SEC14L6: variants seen among roughly 807,000 people sequenced by gnomAD.
SEC14L6 encodes the protein SEC14 like lipid binding 6, also known as SEC14-like protein 6.
A neutral mutation model predicts 54.1 loss-of-function variants in SEC14L6; 40 were observed. That is an observed-to-expected ratio of 0.74 (90% CI 0.57 to 0.96). The LOEUF (loss-of-function observed/expected upper bound fraction) is 0.96, where lower values mean the gene tolerates loss of function less well. Ranked by LOEUF, SEC14L6 falls within the 40% of genes least tolerant of loss-of-function variation. SEC14L6 has a pLI of 0.00. For missense variants in SEC14L6, 471 were observed against 498.3 expected (o/e 0.95, Z 0.52); for synonymous variants, 171 against 198.4 (o/e 0.86, Z 1.16).
intron 1 of SEC14L6, among the ~76,000 whole-genome samples, chr22:30,541,235 ATCT>A (rs1862060374): frequency 2.0e-5 from 3 of 152,264 alleles, no homozygotes; most frequent in African/African-American, 7.2e-5. Context: ...TTTTATAATC[ATCT>A]TCTTGGATAC....
chr22:30,524,368 T>C lies in SEC14L6; in HGVS notation c.*629A>G, dbSNP rs1037552321. On this transcript the variant is annotated 3_prime_UTR_variant, in exon 12 of 12. Coordinates refer to ENST00000402034, the MANE Select transcript of SEC14L6 (RefSeq NM_001193336.4). ...GCTATACTATATTTCAAATTTCCTA[T>C]TAATACTATTTTATTTTATTTTTTT... 1 of 152,148 alleles carries C rather than the reference T, an allele frequency of 6.6e-6. No homozygotes were observed. Among genetic ancestry groups the C allele is most frequent in the Non-Finnish European group, 1.5e-5 (1 of 68,052 alleles). The allele number at this position is 152,148 out of a possible 1,614,324, so 9.4% of individuals were successfully genotyped here.
intron 2 of SEC14L6, among the ~76,000 whole-genome samples, chr22:30,535,045 A>AAT (rs2146276297): frequency 6.7e-6 from 1 of 149,692 alleles, no homozygotes; most frequent in East Asian, 2.0e-4. Flanking sequence ...AAGAAAAAAA[A>AAT]AAGAAAAGAA....
chr22:30,531,661 T>C (rs953665279), intron 6 of SEC14L6, among the ~76,000 whole-genome samples: 9 of 151,942 alleles, frequency 5.9e-5, no homozygotes, highest in Non-Finnish European at 1.3e-4. Flanking sequence ...GAGGTGAAGG[T>C]TGTAGTGAGC....
At chr22:30,540,367 C>CTTT (rs753718105) in intron 1 of SEC14L6, among the ~76,000 whole-genome samples, 5 of 114,040 alleles carry the variant, frequency 4.4e-5, no homozygotes, top group Non-Finnish European at 5.3e-5. Flanking sequence ...CTTTTTGTTC[C>CTTT]TTTTTTTTTT....
chr22:30,542,956 C>T, intron 1 of SEC14L6: 1 of 1,601,420 alleles, frequency 6.2e-7, no homozygotes, highest in Non-Finnish European at 8.5e-7. Context: ...GAAAGGGAGC[C>T]CTGACGTGGA....
At chr22:30,534,629 T>G (rs1233658703) in intron 2 of SEC14L6, among the ~76,000 whole-genome samples, 6 of 151,792 alleles carry the variant, frequency 4.0e-5, no homozygotes, top group Non-Finnish European at 5.9e-5. Flanking sequence ...CAGGCTGGTC[T>G]CGAACTCCTT....
intron 3 of SEC14L6, among the ~76,000 whole-genome samples, chr22:30,533,472 A>C (rs976684050): frequency 6.6e-6 from 1 of 152,090 alleles, no homozygotes; most frequent in Admixed American, 6.6e-5. Flanking sequence ...GTGGTAGTGC[A>C]TGCCTGTAAT....
Position 30,529,156 on chromosome 22 carries a change from C to A in SEC14L6, c.595G>T (p.Ala199Ser), listed in dbSNP as rs975759810. 8 of 1,551,088 alleles carry A rather than the reference C, an allele frequency of 5.2e-6. No homozygotes were observed. In the Admixed American group the frequency reaches 5.9e-5, roughly 11 times the overall value. ...LIVVRAPKLF[A>S]VAFNLVKSYM... ...GACTTGACCAGGTTGAAGGCTACGG[C>A]GAATAGCTTGGGGGCTGAAACCAGG... The change falls in exon 8 of 12, where the codon GCC (alanine) becomes TCC (serine). Residue 199 changes from alanine to serine, a missense_variant. Coordinates refer to ENST00000402034, the MANE Select transcript of SEC14L6 (RefSeq NM_001193336.4).
chr22:30,532,398 C>T, intron 5 of SEC14L6, 127 bp downstream of exon 5: 3 of 1,301,116 alleles, frequency 2.3e-6, no homozygotes, highest in Non-Finnish European at 3.1e-6. Context: ...TCTGAACCTG[C>T]ATTCACTCCA....
chr22:30,525,028 T>G lies in SEC14L6; in HGVS notation c.1163A>C (p.Gln388Pro). ...TTTCTCCATCTTCTCCATGAAGGTT[T>G]GGTCTGGGAGCAGTACCTCCACGGT... ...SYTVEVLLPD[Q>P]TFMEKMEKF The change falls in exon 12 of 12, where the codon CAA becomes CCA. Residue 388 changes from glutamine to proline, a missense_variant. Transcript: ENST00000402034. 6.5e-7 allele frequency: 1 copy of G among 1,547,272 alleles called. No individual in the cohort carries two copies. The highest frequency in any genetic ancestry group is 8.7e-7 in the Non-Finnish European group (1 of 1,143,926).
intron 1 of SEC14L6, among the ~76,000 whole-genome samples, chr22:30,540,142 G>A (rs2085673531): frequency 6.6e-6 from 1 of 152,180 alleles, no homozygotes; most frequent in Non-Finnish European, 1.5e-5. Context: ...ATATGAAAGA[G>A]GGTTTGGCCT....
At chr22:30,545,130 C>G (rs147019075) in intron 1 of SEC14L6, among the ~76,000 whole-genome samples, 1 of 152,074 alleles carries the variant, frequency 6.6e-6, no homozygotes, top group Non-Finnish European at 1.5e-5. Context: ...CCAAGCTTGC[C>G]GTGTGCGACC....
intron 3 of SEC14L6, chr22:30,533,137 C>T (rs1413713816): frequency 1.1e-5 from 11 of 985,244 alleles, no homozygotes; most frequent in African/African-American, 1.7e-5. Flanking sequence ...TGCCCCCTCC[C>T]GCATGGCTGC....
At chr22:30,530,848 T>G (rs1936945244) in intron 6 of SEC14L6, among the ~76,000 whole-genome samples, 1 of 152,064 alleles carries the variant, frequency 6.6e-6, no homozygotes, top group Non-Finnish European at 1.5e-5. Flanking sequence ...TCTCAGCCCT[T>G]CCCAGAGGAA....
rs564946905 is a variant in SEC14L6 at position 30,539,308 on chromosome 22, C to T, written c.55-406G>A. 1.4e-4 allele frequency among the ~76,000 whole-genome samples: 21 copies of T among 151,830 alleles called. No homozygotes were observed. The South Asian group carries it at 3.4e-3, about 24-fold the overall frequency. Reference sequence around the variant, plus strand: ...AGGAGAATCGCTTAAACCCAGGAGGCGGAGGTTGCAGTGAGCCGAGATCCC... The same window carrying T: ...AGGAGAATCGCTTAAACCCAGGAGGTGGAGGTTGCAGTGAGCCGAGATCCC... On this transcript the variant is annotated intron_variant, in intron 1 of 11. Coordinates refer to ENST00000402034, the MANE Select transcript of SEC14L6 (RefSeq NM_001193336.4).
rs2085759515 is a variant in SEC14L6 at position 30,543,455 on chromosome 22, C to G, written c.54+3174G>C. ...TTGGAGAACGGCAATGTGTCCCGGA[C>G]AGAAACGGCCTCAACTCTTACAGAG... is the stretch of plus-strand genomic sequence containing the variant. On this transcript the variant is annotated intron_variant, in intron 1 of 11. Coordinates refer to ENST00000402034, the MANE Select transcript of SEC14L6 (RefSeq NM_001193336.4). 4 of 1,612,034 alleles carry G rather than the reference C, an allele frequency of 2.5e-6. No individual in the cohort carries two copies. In the South Asian group the frequency reaches 3.3e-5, roughly 13 times the overall value.
chr22:30,533,318 A>C, intron 3 of SEC14L6: 12 of 214,148 alleles, frequency 5.6e-5, no homozygotes, highest in Middle Eastern at 2.5e-3. Context: ...ATACCAGCTC[A>C]GGCCAGGCAC....
chr22:30,543,047 C>T (rs1481569870), intron 1 of SEC14L6: 12 of 1,597,472 alleles, frequency 7.5e-6, no homozygotes, highest in African/African-American at 2.7e-5. Context: ...GCAGCGAGGG[C>T]CACACCTGAC....
chr22:30,532,706 C>T lies in SEC14L6; in HGVS notation c.242G>A (p.Arg81Lys). 2 of 1,567,710 alleles carry T rather than the reference C, an allele frequency of 1.3e-6. No homozygotes were observed. Among genetic ancestry groups the T allele is most frequent in the East Asian group, 2.4e-5 (1 of 42,342 alleles). ...GCATATGCCGTTAGCGTTGTACAGCCTGACCACCTGGATGCATACACAGGA... is the reference window on the plus strand; with the variant it reads ...GCATATGCCGTTAGCGTTGTACAGCTTGACCACCTGGATGCATACACAGGA... The part of the protein sequence containing the change: ...ILAWQPPEVV[R>K]LYNANGICGH... Residue 81 changes from arginine to lysine, a missense_variant, in exon 5 of 12, where the codon AGG becomes AAG. Physicochemically the swap from Arg to Lys is conservative, Grantham distance 26 (BLOSUM62 2). Coordinates refer to ENST00000402034, the MANE Select transcript of SEC14L6 (RefSeq NM_001193336.4).
Sources: gnomAD v4.1 joint callset for allele counts (sites outside exome capture counted in the v4.1 genomes callset) on GRCh38, gnomAD v4.1.1 for gene constraint, MANE v1.5 for transcripts, NCBI Gene and HGNC (gene_info 2026-07-23, HGNC 2026-07-21) for gene names.